SERPINB11: variants seen among roughly 807,000 people sequenced by gnomAD.
The protein encoded by SERPINB11 is serpin B11.
In SERPINB11, 32 loss-of-function variants were observed where a neutral mutation model predicts 36.7. The observed-to-expected ratio is 0.87, with a 90% confidence interval of 0.66 to 1.17. The LOEUF is 1.17. Ranked by LOEUF, SERPINB11 falls within the 50% of genes most tolerant of loss-of-function variation. The pLI, the probability that SERPINB11 is intolerant of heterozygous loss-of-function variation, is 0.00. For synonymous variants in SERPINB11, 174 were observed against 168.1 expected (o/e 1.04, Z -0.27); for missense variants, 528 against 458.4 (o/e 1.15, Z -1.39).
intron 4 of SERPINB11, among the ~76,000 whole-genome samples, chr18:63,713,380 T>C (rs1334723967): frequency 6.6e-6 from 1 of 152,200 alleles, no homozygotes; most frequent in African/African-American, 2.4e-5. Flanking sequence ...CACAGACATA[T>C]TTAAATGGCA....
rs567302532 is a variant in SERPINB11, at chr18:63,715,049, G to A, written c.358-986G>A. Among the ~76,000 whole-genome samples the A allele has an allele frequency of 7.1e-4, 108 of 152,132 alleles. 1 individual carries two copies. Among genetic ancestry groups the A allele is most frequent in the Admixed American group, 1.1e-3 (17 of 15,276 alleles). On this transcript the variant is annotated intron_variant, in intron 4 of 7. Coordinates refer to ENST00000544088, the MANE Select transcript of SERPINB11 (RefSeq NM_001370475.1). ...TTCACAATTTATGTTCTTCTGTCAC[G>A]GCTTCAGCAGGTCAGTCCCTCCGTT...
In SERPINB11 at chr18:63,723,251, C is replaced by T. The variant is rs1167914901; in HGVS notation, c.1031C>T (p.Thr344Met). ...TACCTGGATGTCAGCGAAGAGGGCA[C>T]GGAGGCAGCAGCAGCCACTGGGGAC... ...KSYLDVSEEGTEAAAATGDSI... is the reference protein window; with the variant it reads ...KSYLDVSEEGMEAAAATGDSI... The change falls in exon 8 of 8, where the codon ACG becomes ATG. Residue 344 changes from threonine (T) to methionine (M), a missense_variant. Transcript: ENST00000544088. 15 of 1,613,794 alleles carry T rather than the reference C, an allele frequency of 9.3e-6. No individual in the cohort carries two copies. The highest frequency in any genetic ancestry group is 3.3e-5 in the South Asian group (3 of 91,078).
In SERPINB11 at chr18:63,723,422, C is replaced by T; in HGVS notation, c.*23C>T. 2 of 1,561,132 alleles carry T rather than the reference C, an allele frequency of 1.3e-6. No individual in the cohort carries two copies. The highest frequency in any genetic ancestry group is 2.4e-5 in the South Asian group (2 of 82,364). On this transcript the variant is annotated 3_prime_UTR_variant, in exon 8 of 8. Transcript: ENST00000544088. ...TAATCAGATGGGGTTGAGCAAGGCT[C>T]AGAGTTGCAGATGAGGTGCAGAGAC... is the stretch of plus-strand genomic sequence containing the variant.
At chr18:63,719,198 A>G (rs770574757) in intron 5 of SERPINB11, among the ~76,000 whole-genome samples, 2 of 152,068 alleles carry the variant, frequency 1.3e-5, no homozygotes, top group Non-Finnish European at 2.9e-5. Context: ...TCCACATGTT[A>G]TATATTTATG....
intron 5 of SERPINB11, 30 bp from the exon 6 acceptor site, chr18:63,719,983 C>T: frequency 6.4e-7 from 1 of 1,556,590 alleles, no homozygotes; most frequent in East Asian, 2.3e-5. Flanking sequence ...AGTTCAAATC[C>T]AAATATAATT....
At chr18:63,722,237 A>G (rs927450971) in intron 7 of SERPINB11, among the ~76,000 whole-genome samples, 5 of 152,184 alleles carry the variant, frequency 3.3e-5, no homozygotes, top group African/African-American at 1.2e-4. Context: ...GGTGGCTTTT[A>G]TATTGTCATG....
chr18:63,716,053 G>A lies in SERPINB11; in HGVS notation c.376G>A (p.Glu126Lys). 6.2e-7 allele frequency: 1 copy of A among 1,609,772 alleles called. No individual in the cohort carries two copies. Among genetic ancestry groups the A allele is most frequent in the Non-Finnish European group, 8.5e-7 (1 of 1,177,170 alleles). The change falls in exon 5 of 8, where the codon GAG becomes AAG. Residue 126 changes from glutamate (E) to lysine (K), a missense_variant. By Grantham distance (56) the Glu-to-Lys change is moderately conservative. Transcript: ENST00000544088. Reference sequence around the variant, plus strand: ...TTCATAGCAATATTTAAGCTGTTCTGAGAAATGGTATCAAGCCAGGTTGCA... The same window carrying A: ...TTCATAGCAATATTTAAGCTGTTCTAAGAAATGGTATCAAGCCAGGTTGCA... ...AFHQQYLSCSEKWYQARLQTV... is the reference protein window; with the variant it reads ...AFHQQYLSCSKKWYQARLQTV...
chr18:63,707,242 C>A (rs1484221199), intron 1 of SERPINB11, among the ~76,000 whole-genome samples: 1 of 152,118 alleles, frequency 6.6e-6, no homozygotes, highest in Non-Finnish European at 1.5e-5. Flanking sequence ...GAATGGTGGG[C>A]AACCAACATT....
In SERPINB11 at chr18:63,723,272, G is replaced by C. The variant is rs757652662; in HGVS notation, c.1052G>C (p.Gly351Ala). The C allele has an allele frequency of 8.1e-6, 13 of 1,613,828 alleles. No individual in the cohort carries two copies. The highest frequency in any genetic ancestry group is 1.1e-5 in the Non-Finnish European group (13 of 1,179,886). The change falls in exon 8 of 8, where the codon GGG becomes GCG. Residue 351 changes from glycine (G) to alanine (A), a missense_variant. Coordinates refer to ENST00000544088, the MANE Select transcript of SERPINB11 (RefSeq NM_001370475.1). ...GGCACGGAGGCAGCAGCAGCCACTG[G>C]GGACAGCATCGCTGTAAAAAGCCTA... The part of the protein sequence containing the change: ...EEGTEAAAAT[G>A]DSIAVKSLPM...
At chr18:63,714,031 G>C (rs1319632689) in intron 4 of SERPINB11, among the ~76,000 whole-genome samples, 1 of 152,158 alleles carries the variant, frequency 6.6e-6, no homozygotes, top group Non-Finnish European at 1.5e-5. Flanking sequence ...TTTGCTCATA[G>C]TATATTGGGG....
rs375832411 is a variant in SERPINB11, at chr18:63,712,603, C to T, written c.267C>T (p.Val89=). Residue 89 remains valine, a synonymous_variant, in exon 4 of 8, where the codon GTC becomes GTT. Coordinates refer to ENST00000544088, the MANE Select transcript of SERPINB11 (RefSeq NM_001370475.1). ...QAGRIHSEFG[V]EFSQINQPDS... Reference sequence around the variant, plus strand: ...GAAGAATTCATTCCGAGTTTGGTGTCGAATTCTCTCAAATCAACCAGCCAG... The same window carrying T: ...GAAGAATTCATTCCGAGTTTGGTGTTGAATTCTCTCAAATCAACCAGCCAG... The T allele has an allele frequency of 1.3e-4, 215 of 1,613,584 alleles. No homozygotes were observed. The highest frequency in any genetic ancestry group is 1.7e-4 in the Non-Finnish European group (203 of 1,179,694).
chr18:63,709,486 C>A (rs1280887644), intron 1 of SERPINB11, among the ~76,000 whole-genome samples: 1 of 152,070 alleles, frequency 6.6e-6, no homozygotes, highest in Non-Finnish European at 1.5e-5. Context: ...TGGCAGGCGC[C>A]TGTAGTCCCA....
chr18:63,716,342 G>A (rs963560381), intron 5 of SERPINB11, among the ~76,000 whole-genome samples, 190 bp downstream of exon 5: 6 of 152,076 alleles, frequency 3.9e-5, no homozygotes, highest in Non-Finnish European at 7.4e-5. Context: ...GTGACTCTGC[G>A]AATGAACACC....
chr18:63,720,027 C>T lies in SERPINB11; in HGVS notation c.490C>T (p.Leu164Phe). ...TTTTATACAAGGAAAAGTCGCAAAT[C>T]TCTTTGGAAAGAGCACAATTGACCC... ...ENKTNGKVANLFGKSTIDPSS... is the reference protein window; with the variant it reads ...ENKTNGKVANFFGKSTIDPSS... The change falls in exon 6 of 8, where the codon CTC (leucine) becomes TTC (phenylalanine). Residue 164 changes from leucine to phenylalanine, a missense_variant. Physicochemically the swap from Leu to Phe is conservative, Grantham distance 22. Transcript: ENST00000544088. 6.2e-7 allele frequency: 1 copy of T among 1,600,354 alleles called. No individual in the cohort carries two copies. The highest frequency in any genetic ancestry group is 8.5e-7 in the Non-Finnish European group (1 of 1,175,430).
intron 5 of SERPINB11, among the ~76,000 whole-genome samples, chr18:63,717,207 T>C (rs1416528647): frequency 6.6e-6 from 1 of 152,096 alleles, no homozygotes; most frequent in Non-Finnish European, 1.5e-5. Context: ...ACACATTGCA[T>C]GGTTTGTTCA....
At chr18:63,719,180 A>G (rs1914741948) in intron 5 of SERPINB11, among the ~76,000 whole-genome samples, 1 of 152,112 alleles carries the variant, frequency 6.6e-6, no homozygotes, top group South Asian at 2.1e-4. Context: ...ATGGGTGTGC[A>G]TTAGGGATCC....
At chr18:63,713,410 A>G (rs992292597) in intron 4 of SERPINB11, among the ~76,000 whole-genome samples, 2 of 152,230 alleles carry the variant, frequency 1.3e-5, no homozygotes, top group African/African-American at 4.8e-5. Context: ...TTTAACCCCT[A>G]TGCAAATCTG....
intron 4 of SERPINB11, 27 bp from the exon 5 acceptor site, chr18:63,716,008 G>T (rs753441006): frequency 3.4e-6 from 5 of 1,451,724 alleles, no homozygotes; most frequent in South Asian, 2.4e-5. Flanking sequence ...CTTTTGAATT[G>T]TTGTTCAATT....
At chr18:63,722,022 C>G (rs891790698) in intron 7 of SERPINB11, among the ~76,000 whole-genome samples, 1 of 152,100 alleles carries the variant, frequency 6.6e-6, no homozygotes, top group African/African-American at 2.4e-5. Flanking sequence ...GAAAGGAATT[C>G]CTAGTACAGC....
Sources: gnomAD v4.1 joint callset for allele counts (sites outside exome capture counted in the v4.1 genomes callset) on GRCh38, gnomAD v4.1.1 for gene constraint, MANE v1.5 for transcripts, NCBI Gene and HGNC (gene_info 2026-07-23, HGNC 2026-07-21) for gene names.